Variants in PRSS23 observed in about 807,000 individuals in gnomAD.
PRSS23 encodes the protein serine protease 23.
Under a neutral mutation model 34.7 loss-of-function variants are expected in PRSS23, and 25 were observed. That is an observed-to-expected ratio of 0.72 (90% CI 0.53 to 1.01). The LOEUF (loss-of-function observed/expected upper bound fraction) is 1.01. Among genes scored for constraint, PRSS23 ranks in the 50% least tolerant of loss-of-function variants. The pLI is 0.00. For synonymous variants in PRSS23, 176 were observed against 186.6 expected, an observed-to-expected ratio of 0.94 and a Z score of 0.46; for missense variants, 445 against 475.6, an observed-to-expected ratio of 0.94 and a Z score of 0.60.
intron 1 of PRSS23, among the ~76,000 whole-genome samples, chr11:86,793,966 A>C (rs916395837): frequency 1.3e-5 from 2 of 152,116 alleles, no homozygotes; most frequent in Non-Finnish European, 2.9e-5. Flanking sequence ...TCTAGCACCG[A>C]AGGGTTTGGA....
chr11:86,800,460 G>A (rs1311626942), upstream of PRSS23: 8 of 984,026 alleles, frequency 8.1e-6, no homozygotes, highest in Non-Finnish European at 9.6e-6. Context: ...CGGCTTCCCC[G>A]AGGCCGGAGG....
intron 2 of PRSS23, among the ~76,000 whole-genome samples, chr11:86,879,152 G>A (rs1158992332): frequency 2.1e-5 from 3 of 146,340 alleles, no homozygotes; most frequent in Admixed American, 6.8e-5. Flanking sequence ...GCCTCTTCCC[G>A]GCCGCCATCC....
intron 2 of PRSS23, chr11:86,934,082 T>C (rs979259722): frequency 6.6e-6 from 1 of 152,228 alleles, no homozygotes; most frequent in African/African-American, 2.4e-5. Flanking sequence ...ATTACTTTCA[T>C]ATGTCCTGTT....
chr11:86,930,373 G>A (rs1016050391), intron 2 of PRSS23, among the ~76,000 whole-genome samples: 14 of 152,112 alleles, frequency 9.2e-5, no homozygotes, highest in African/African-American at 3.4e-4. Flanking sequence ...GGAAGCCCAG[G>A]GCCCCACAGG....
intron 2 of PRSS23, among the ~76,000 whole-genome samples, chr11:86,895,447 T>G (rs1481748109): frequency 6.6e-6 from 1 of 151,912 alleles, no homozygotes; most frequent in Non-Finnish European, 1.5e-5. Context: ...AATATCTGGA[T>G]TTTTTACTGT....
At chr11:86,855,142 G>A (rs1948559675) in intron 2 of PRSS23, among the ~76,000 whole-genome samples, 1 of 150,742 alleles carries the variant, frequency 6.6e-6, no homozygotes. Context: ...CTCCAGCATA[G>A]GCAACAAGAG....
intron 2 of PRSS23, among the ~76,000 whole-genome samples, chr11:86,871,137 C>A (rs920008275): frequency 6.6e-6 from 1 of 152,118 alleles, no homozygotes; most frequent in Non-Finnish European, 1.5e-5. Flanking sequence ...TATTTTAGCA[C>A]GCACTTAAGC....
At chr11:86,865,531 T>C (rs751715584) in intron 2 of PRSS23, among the ~76,000 whole-genome samples, 6 of 152,220 alleles carry the variant, frequency 3.9e-5, no homozygotes, top group Non-Finnish European at 8.8e-5. Flanking sequence ...ATGCCAACTG[T>C]AGCCTTCTTT....
chr11:86,833,072 G>C, intron 2 of PRSS23: 1 of 572,620 alleles, frequency 1.7e-6, no homozygotes, highest in Admixed American at 2.2e-5. Context: ...AATATAGAGG[G>C]TGACAGATGG....
At chr11:86,900,289 C>T (rs529749228) in intron 2 of PRSS23, among the ~76,000 whole-genome samples, 354 of 152,240 alleles carry the variant, frequency 2.3e-3, no homozygotes, top group African/African-American at 8.1e-3. Context: ...GCCTCCCAGG[C>T]GGGACATTTG....
chr11:86,895,722 G>T (rs1036415223), intron 2 of PRSS23, among the ~76,000 whole-genome samples: 1 of 151,990 alleles, frequency 6.6e-6, no homozygotes, highest in African/African-American at 2.4e-5. Flanking sequence ...TCAAGTGATC[G>T]GCCCACTTTG....
At chr11:86,827,813 T>A (rs1948315437) in intron 2 of PRSS23, among the ~76,000 whole-genome samples, 1 of 152,174 alleles carries the variant, frequency 6.6e-6, no homozygotes, top group Admixed American at 6.5e-5. Flanking sequence ...TTTGAGAGAG[T>A]TTCTTAATCC....
At chr11:86,791,413 C>G (rs1335270734) in intron 1 of PRSS23, among the ~76,000 whole-genome samples, 1 of 152,186 alleles carries the variant, frequency 6.6e-6, no homozygotes, top group Non-Finnish European at 1.5e-5. Flanking sequence ...TGAAATAAAA[C>G]AGGTTACTCT....
Position 86,808,555 on chromosome 11 carries a change from G to A in PRSS23, c.912G>A (p.Leu304=), listed in dbSNP as rs370719762. Residue 304 remains leucine (L), a synonymous_variant, in exon 2 of 2, where the codon TTG becomes TTA. Coordinates refer to ENST00000280258, the MANE Select transcript of PRSS23 (RefSeq NM_007173.6). ...ACGTCAAAGACGAGACCTATGACTTGCTCTACCAGCAATGCGATGCCCAGC... is the reference window on the plus strand; with the variant it reads ...ACGTCAAAGACGAGACCTATGACTTACTCTACCAGCAATGCGATGCCCAGC... The part of the protein sequence containing the change: ...FCDVKDETYD[L]LYQQCDAQPG... The A allele has an allele frequency of 5.0e-6, 8 of 1,614,072 alleles. No homozygotes were observed. In the African/African-American group the frequency reaches 1.1e-4, roughly 22 times the overall value.
intron 2 of PRSS23, among the ~76,000 whole-genome samples, chr11:86,941,738 A>C (rs918217738): frequency 1.4e-4 from 21 of 152,316 alleles, no homozygotes; most frequent in Middle Eastern, 3.4e-3. Flanking sequence ...GTAGTCGATC[A>C]TTCCCTAACC....
In PRSS23 at chr11:86,794,932, T is replaced by A. The variant is rs918725748; in HGVS notation, c.-14+3737T>A. 2.6e-5 allele frequency among the ~76,000 whole-genome samples: 4 copies of A among 152,186 alleles called. No individual in the cohort carries two copies. The East Asian group carries it at 7.7e-4, about 29-fold the overall frequency. On this transcript the variant is annotated intron_variant, in intron 1 of 1. Coordinates refer to the PRSS23 transcript ENST00000527521. ...ATAGGTAATTGTTCAATGAATGAACTGATGGTACCATAGAGGAGATTGGAG... is the reference window on the plus strand; with the variant it reads ...ATAGGTAATTGTTCAATGAATGAACAGATGGTACCATAGAGGAGATTGGAG...
At chr11:86,879,526 C>A (rs1281532984) in intron 2 of PRSS23, among the ~76,000 whole-genome samples, 3 of 141,272 alleles carry the variant, frequency 2.1e-5, no homozygotes, top group East Asian at 2.2e-4. Context: ...CCCGGCCAGC[C>A]GCCCCGTCCG....
intron 2 of PRSS23, among the ~76,000 whole-genome samples, chr11:86,873,044 T>A (rs1257398801): frequency 1.3e-5 from 2 of 152,000 alleles, no homozygotes; most frequent in African/African-American, 4.8e-5. Context: ...CAACAGTAAG[T>A]CTGGCTGATC....
Position 86,828,634 on chromosome 11 carries a change from G to A in PRSS23, c.206+5041G>A, listed in dbSNP as rs185159303. Among the ~76,000 whole-genome samples, 261 of 152,272 alleles carry A rather than the reference G, an allele frequency of 1.7e-3. 1 individual carries two copies. The highest frequency in any genetic ancestry group is 5.4e-3 in the African/African-American group (224 of 41,544). On this transcript the variant is annotated intron_variant, in intron 2 of 2. Coordinates refer to the PRSS23 transcript ENST00000533902. ...GCATGATTTTGCAGCGGCTGGTACC[G>A]GTTGTGCCTTTCCATGTTTAGTGCT...
Sources: gnomAD v4.1 joint callset for allele counts (sites outside exome capture counted in the v4.1 genomes callset) on GRCh38, gnomAD v4.1.1 for gene constraint, MANE v1.5 for transcripts, NCBI Gene and HGNC (gene_info 2026-07-23, HGNC 2026-07-21) for gene names.